The following TET2 variants were observed in gnomAD, a reference collection of about 807,000 sequenced individuals.
The protein encoded by TET2 is tet methylcytosine dioxygenase 2.
In TET2, 299 loss-of-function variants were observed where a neutral mutation model predicts 142.9. The ratio of observed to expected loss-of-function variants is 2.09; its 90% CI spans 1.90 to 2.30. TET2 has a LOEUF of 2.30. Among genes scored for constraint, TET2 ranks in the 30% most tolerant of loss-of-function variants. TET2 has a pLI of 0.00. For missense variants in TET2, 2,418 were observed against 2,378.0 expected, an observed-to-expected ratio of 1.02 and a Z score of -0.35; for synonymous variants, 819 against 849.0, an observed-to-expected ratio of 0.96 and a Z score of 0.61.
At chr4:105,162,081 A>C (rs1185202131) in intron 1 of TET2, among the ~76,000 whole-genome samples, 1 of 152,258 alleles carries the variant, frequency 6.6e-6, no homozygotes, top group African/African-American at 2.4e-5. Context: ...GAAAGTGCAC[A>C]GAATCCTTGG....
chr4:105,173,363 CA>C (rs71584289), intron 1 of TET2, among the ~76,000 whole-genome samples: 82 of 114,646 alleles, frequency 7.2e-4, no homozygotes, highest in South Asian at 8.4e-4. Flanking sequence ...ACTAAAAATA[CA>C]AAAAAAAAAA....
rs1553918861 is a variant in TET2 at position 105,278,203 on chromosome 4, T to TATATATATATATATATA, written c.*1684_*1685insATATATATATATATATA. The TATATATATATATATATA allele has an allele frequency of 6.0e-4, 96 of 159,008 alleles. 1 individual carries two copies. Among genetic ancestry groups the TATATATATATATATATA allele is most frequent in the Middle Eastern group, 2.6e-3 (1 of 378 alleles). 9.8% of individuals were successfully genotyped at this position (159,008 alleles called of 1,614,324 possible). ...ATATATATATATATATATATATATATGAGTTTGAAGCAGAATTCACATCAT... is the reference window on the plus strand; with the variant it reads ...ATATATATATATATATATATATATATATATATATATATATATAGAGTTTGAAGCAGAATTCACATCAT... On this transcript the variant is annotated 3_prime_UTR_variant, in exon 11 of 11. Transcript: ENST00000380013.
rs534288434 is a variant in TET2, at chr4:105,223,130, T to A, written c.-46-10767T>A. The stretch of plus-strand genomic sequence containing the variant: ...TGCTCAGCAGTCCTTTTTCAAGAGA[T>A]GTGAAGTACATCTTCACAGATTTTT... On this transcript the variant is annotated intron_variant, in intron 2 of 10. Coordinates refer to ENST00000380013, the MANE Select transcript of TET2 (RefSeq NM_001127208.3). Among the ~76,000 whole-genome samples the A allele has an allele frequency of 6.6e-5, 10 of 152,298 alleles. No homozygotes were observed. In the South Asian group the frequency reaches 1.5e-3, roughly 22 times the overall value.
intron 2 of TET2, among the ~76,000 whole-genome samples, chr4:105,215,018 G>A (rs1227176970): frequency 2.0e-5 from 3 of 152,104 alleles, no homozygotes; most frequent in Admixed American, 6.6e-5. Flanking sequence ...GGAACTGAGC[G>A]TTTAATCTAC....
At chr4:105,150,508 C>T (rs1034402671) in intron 1 of TET2, among the ~76,000 whole-genome samples, 2 of 152,178 alleles carry the variant, frequency 1.3e-5, no homozygotes, top group Non-Finnish European at 2.9e-5. Flanking sequence ...ATCAGAATAA[C>T]ACTTTGTCAA....
intron 4 of TET2, chr4:105,242,477 GC>G (rs1237700436): frequency 9.1e-7 from 1 of 1,104,166 alleles, no homozygotes; most frequent in African/African-American, 1.6e-5. Flanking sequence ...TTTTAAAATA[GC>G]TAAATTTAGT....
At chr4:105,256,832 T>TC (rs1730158584) in intron 6 of TET2, among the ~76,000 whole-genome samples, 2 of 152,134 alleles carry the variant, frequency 1.3e-5, no homozygotes, top group Admixed American at 6.6e-5. Context: ...AGTCCCTTTT[T>TC]CCCCTCCTTT....
At chr4:105,240,522 T>G in intron 3 of TET2, 1 of 1,078,654 alleles carries the variant, frequency 9.3e-7, no homozygotes, top group Non-Finnish European at 1.1e-6. Context: ...ACCCGTGCCA[T>G]GTTTTCCCTC....
intron 1 of TET2, among the ~76,000 whole-genome samples, chr4:105,152,369 G>C (rs150101530): frequency 6.6e-6 from 1 of 152,112 alleles, no homozygotes; most frequent in East Asian, 1.9e-4. Context: ...AAAATGAACT[G>C]GTTGTTTGAC....
Position 105,239,074 on chromosome 4 carries a change from GTTTTT to G in TET2, c.3409+1731_3409+1735del, listed in dbSNP as rs372909927. ...AAAGGAGGTTTTGGTTTTGTTTTTTGTTTTTTTTTTTTGTTTTTTAGCAGTAAGTC... is the reference window on the plus strand; with the variant it reads ...AAAGGAGGTTTTGGTTTTGTTTTTTGTTTTTTTGTTTTTTAGCAGTAAGTC... On this transcript the variant is annotated intron_variant, in intron 3 of 10. Coordinates refer to ENST00000380013, the MANE Select transcript of TET2 (RefSeq NM_001127208.3). 159 of 211,962 alleles carry G rather than the reference GTTTTT, an allele frequency of 7.5e-4. 2 individuals carry two copies. Among genetic ancestry groups the G allele is most frequent in the Non-Finnish European group, 1.3e-3 (130 of 100,714 alleles). The allele number at this position is 211,962 out of a possible 1,614,324, so 13.1% of individuals were successfully genotyped here.
intron 1 of TET2, among the ~76,000 whole-genome samples, chr4:105,156,617 A>T (rs567361588): frequency 6.6e-6 from 1 of 152,322 alleles, no homozygotes; most frequent in South Asian, 2.1e-4. Context: ...GGGTTATTAT[A>T]GTATTTTCTC....
chr4:105,203,324 T>C (rs1246769482), intron 2 of TET2, among the ~76,000 whole-genome samples: 3 of 152,166 alleles, frequency 2.0e-5, no homozygotes, highest in Non-Finnish European at 4.4e-5. Flanking sequence ...GCACCAAAAG[T>C]TGGAAAAGGA....
chr4:105,191,864 G>T lies in TET2; in HGVS notation c.-47+1359G>T, dbSNP rs549477776. On this transcript the variant is annotated intron_variant, in intron 2 of 10. Transcript: ENST00000380013. ...TCAGTATAGTAGTAACTCTCAGAAT[G>T]AAAATTTTCCCCTTGCATGTTAATA... 2.6e-5 allele frequency among the ~76,000 whole-genome samples: 4 copies of T among 152,222 alleles called. No individual in the cohort carries two copies. The South Asian group carries it at 8.3e-4, about 32-fold the overall frequency.
rs1267214769 is a variant in TET2 at position 105,275,779 on chromosome 4, CA to C, written c.5270del (p.His1757LeufsTer6). 6.4e-7 allele frequency: 1 copy of C among 1,551,680 alleles called. No individual in the cohort carries two copies. The highest frequency in any genetic ancestry group is 8.7e-7 in the Non-Finnish European group (1 of 1,146,986). On this transcript the variant is annotated frameshift_variant, in exon 11 of 11. Coordinates refer to ENST00000380013, the MANE Select transcript of TET2 (RefSeq NM_001127208.3). LOFTEE classifies it low-confidence loss of function (END_TRUNC). ...PNMDYKNGEH[H>X]SPSHIIHNYS... ...CATGGACTATAAAAATGGTGAACAT[CA>C]TTCACCTTCTCACATAATCCATAAC...
chr4:105,220,132 G>C lies in TET2; in HGVS notation c.-46-13765G>C, dbSNP rs576476351. Among the ~76,000 whole-genome samples, 49 of 152,232 alleles carry C rather than the reference G, an allele frequency of 3.2e-4. 2 individuals carry two copies. In the South Asian group the frequency reaches 9.7e-3, roughly 30 times the overall value. Reference sequence around the variant, plus strand: ...ACAGATTATTTTTATAACTCTACCAGTGTCATTATATAACTACACTGAATG... The same window carrying C: ...ACAGATTATTTTTATAACTCTACCACTGTCATTATATAACTACACTGAATG... On this transcript the variant is annotated intron_variant, in intron 2 of 10. Coordinates refer to ENST00000380013, the MANE Select transcript of TET2 (RefSeq NM_001127208.3).
In TET2 at chr4:105,160,579, G is replaced by A. The variant is rs186545636; in HGVS notation, c.-193+13600G>A. 2.8e-3 allele frequency among the ~76,000 whole-genome samples: 424 copies of A among 152,308 alleles called. 2 individuals carry two copies. The highest frequency in any genetic ancestry group is 9.7e-3 in the African/African-American group (404 of 41,576). ...ATCAAAGATGAAATTTATAGTAATT[G>A]AAAAGTTAGCTCATTTGACTGCTTC... On this transcript the variant is annotated intron_variant, in intron 1 of 10. Transcript: ENST00000380013.
intron 2 of TET2, among the ~76,000 whole-genome samples, chr4:105,195,586 G>A (rs374683659): frequency 3.0e-4 from 46 of 152,168 alleles, no homozygotes; most frequent in African/African-American, 9.6e-4. Context: ...CATATACTTC[G>A]AATCATCTCT....
rs764042701 is a variant in TET2 at position 105,236,264 on chromosome 4, A to T, written c.2322A>T (p.Ser774=). The part of the protein sequence containing the change: ...QSNNDQQREG[S]FFGQTKVEEC... ...ACAATGATCAGCAAAGAGAAGGATC[A>T]TTCTTTGGCCAGACTAAAGTGGAAG... The change falls in exon 3 of 11, where the codon TCA becomes TCT. Residue 774 remains serine, a synonymous_variant. Transcript: ENST00000380013. 1 of 1,614,154 alleles carries T rather than the reference A, an allele frequency of 6.2e-7. No homozygotes were observed. The highest frequency in any genetic ancestry group is 1.7e-5 in the Admixed American group (1 of 60,022).
chr4:105,274,790 A>C (rs1362498555), intron 10 of TET2, among the ~76,000 whole-genome samples: 1 of 152,076 alleles, frequency 6.6e-6, no homozygotes, highest in Non-Finnish European at 1.5e-5. Context: ...GTTCCAAAGA[A>C]CATTTTGCTC....
Sources: allele counts gnomAD v4.1 joint callset (sites outside exome capture counted in the v4.1 genomes callset), GRCh38; gene constraint gnomAD v4.1.1; transcripts MANE v1.5; gene names NCBI Gene and HGNC (gene_info 2026-07-23, HGNC 2026-07-21).